Variants in IRS2 observed in about 807,000 individuals in gnomAD.
The protein encoded by IRS2 is insulin receptor substrate 2.
IRS2 carries 28 observed loss-of-function variants against 70.9 expected under a neutral mutation model. That is an observed-to-expected ratio of 0.39 (90% CI 0.29 to 0.54). The LOEUF is 0.54. Among genes scored for constraint, IRS2 ranks in the 20% least tolerant of loss-of-function variants. The pLI is 0.59. For synonymous variants in IRS2, 1,217 were observed against 981.9 expected (o/e 1.24, Z -4.48); for missense variants, 2,081 against 2,024.1 (o/e 1.03, Z -0.54).
At chr13:109,776,910 T>C (rs1877592152) in intron 1 of IRS2, among the ~76,000 whole-genome samples, 1 of 152,172 alleles carries the variant, frequency 6.6e-6, no homozygotes, top group Admixed American at 6.5e-5. Flanking sequence ...ACAGCATTCT[T>C]TTCACAAAAA....
intron 1 of IRS2, among the ~76,000 whole-genome samples, chr13:109,767,121 C>T (rs138812473): frequency 7.6e-4 from 116 of 152,220 alleles, no homozygotes; most frequent in African/African-American, 2.7e-3. Flanking sequence ...AAACGTGGGC[C>T]CCAACTTCTC....
chr13:109,783,116 T>A lies in IRS2; in HGVS notation c.2938A>T (p.Asn980Tyr), dbSNP rs1877773798. The A allele has an allele frequency of 7.2e-7, 1 of 1,390,250 alleles. No homozygotes were observed. The highest frequency in any genetic ancestry group is 9.3e-7 in the Non-Finnish European group (1 of 1,079,016). The allele number at this position is 1,390,250 out of a possible 1,614,324, so 86.1% of individuals were successfully genotyped here. Residue 980 changes from asparagine (N) to tyrosine (Y), a missense_variant, in exon 1 of 2, where the codon AAC becomes TAC. This residue lies in a region of IRS2 where 1,615 missense variants were observed against 1,459.5 expected (regional missense o/e 1.11). Transcript: ENST00000375856. The part of the protein sequence containing the change: ...RQRSPLSDYM[N>Y]LDFSSPKSPK... ...GACTTGGGGGAGCTGAAGTCGAGGT[T>A]CATGTAGTCGGAGAGCGGAGACCGC...
chr13:109,786,045 G>C lies in IRS2; in HGVS notation c.9C>G (p.Ser3Arg). The C allele has an allele frequency of 3.1e-6, 4 of 1,277,860 alleles. No homozygotes were observed. The highest frequency in any genetic ancestry group is 3.9e-6 in the Non-Finnish European group (4 of 1,016,540). 79.2% of individuals were successfully genotyped at this position (1,277,860 alleles called of 1,614,324 possible). A position where few individuals can be genotyped will look rare whatever the true frequency, so the allele number is the denominator to read the frequency against. Residue 3 changes from serine (S) to arginine (R), a missense_variant, in exon 1 of 2, where the codon AGC becomes AGG. Ser to Arg is a moderately radical substitution (Grantham distance 110). Around this residue, in one of 4 missense-constraint regions of IRS2, gnomAD observed 320 missense variants for 352.9 expected, o/e 0.91. Coordinates refer to ENST00000375856, the MANE Select transcript of IRS2 (RefSeq NM_003749.3). The surrounding 1 kb of genome is among the most constrained non-coding windows in gnomAD (Gnocchi z 4.4). ...GCCCGGGCGGCCCGTGCCGCGGCGG[G>C]CTCGCCATCGCGGGCGCTTCAGGCC... Reference protein sequence around the residue: MASPPRHGPPGPA... With the variant: MARPPRHGPPGPA...
chr13:109,785,233 G>T lies in IRS2; in HGVS notation c.821C>A (p.Ala274Glu). The T allele has an allele frequency of 1.2e-6, 2 of 1,605,664 alleles. No homozygotes were observed. Among genetic ancestry groups the T allele is most frequent in the East Asian group, 2.3e-5 (1 of 44,436 alleles). Residue 274 changes from alanine to glutamate, a missense_variant, in exon 1 of 2, where the codon GCG becomes GAG. Ala to Glu is a moderately radical substitution (Grantham distance 107, BLOSUM62 -1). Around this residue, in one of 4 missense-constraint regions of IRS2, gnomAD observed 35 missense variants for 78.6 expected, o/e 0.45. Coordinates refer to ENST00000375856, the MANE Select transcript of IRS2 (RefSeq NM_003749.3). The surrounding 1 kb of genome is among the most constrained non-coding windows in gnomAD (Gnocchi z 9.3). ...GTTCTGCGCCACCACCGAGTCGTCC[G>T]CCTGCATCCACAGCTCGCCGGGGCC... ...VTGPGELWMQ[A>E]DDSVVAQNIH...
rs919366602 is a variant in IRS2, at chr13:109,782,871, C to A, written c.3183G>T (p.Ser1061=). 6 of 1,572,758 alleles carry A rather than the reference C, an allele frequency of 3.8e-6. No individual in the cohort carries two copies. The Middle Eastern group carries it at 5.0e-4, about 131-fold the overall frequency. Reference sequence around the variant, plus strand: ...CATTGTCCCCGGTGTCCGAGGACAACGATGAGGCGGCGCCCGGGCCCTGGG... The same window carrying A: ...CATTGTCCCCGGTGTCCGAGGACAAAGATGAGGCGGCGCCCGGGCCCTGGG... ...ATAQGPGAAS[S]LSSDTGDNGD... Residue 1061 remains serine (S), a synonymous_variant, in exon 1 of 2, where the codon TCG becomes TCT. Coordinates refer to ENST00000375856, the MANE Select transcript of IRS2 (RefSeq NM_003749.3).
chr13:109,785,560 G>C lies in IRS2; in HGVS notation c.494C>G (p.Ala165Gly), dbSNP rs561296790. 72 of 1,436,142 alleles carry C rather than the reference G, an allele frequency of 5.0e-5. No individual in the cohort carries two copies. The Middle Eastern group carries it at 1.1e-3, about 22-fold the overall frequency. The allele number at this position is 1,436,142 out of a possible 1,614,324, so 89.0% of individuals were successfully genotyped here. The change falls in exon 1 of 2, where the codon GCC becomes GGC. Residue 165 changes from alanine (A) to glycine (G), a missense_variant. Around this residue, in one of 4 missense-constraint regions of IRS2, gnomAD observed 320 missense variants for 352.9 expected, o/e 0.91. Coordinates refer to ENST00000375856, the MANE Select transcript of IRS2 (RefSeq NM_003749.3). The surrounding 1 kb of genome is among the most constrained non-coding windows in gnomAD (Gnocchi z 9.3). Reference sequence around the variant, plus strand: ...GCCGCCCAGGGCGCCGGGCAGGGAGGCGCTGCAGGACGCGGCGGGCGCGGC... The same window carrying C: ...GCCGCCCAGGGCGCCGGGCAGGGAGCCGCTGCAGGACGCGGCGGGCGCGGC... ...PAAAPAASCS[A>G]SLPGALGGSA...
rs551061772 is a variant in IRS2 at position 109,774,648 on chromosome 13, G to A, written c.4012+7394C>T. Among the ~76,000 whole-genome samples, 6 of 152,232 alleles carry A rather than the reference G, an allele frequency of 3.9e-5. No individual in the cohort carries two copies. In the South Asian group the frequency reaches 1.0e-3, roughly 26 times the overall value. On this transcript the variant is annotated intron_variant, in intron 1 of 1. Transcript: ENST00000375856. ...ACCAAGATGTTATGAGGTTGAACCC[G>A]ACACTCCTTCTCCTTTTGGCTCAGA...
At chr13:109,767,602 G>C (rs541333126) in intron 1 of IRS2, among the ~76,000 whole-genome samples, 2 of 152,056 alleles carry the variant, frequency 1.3e-5, no homozygotes, top group African/African-American at 4.8e-5. Context: ...CAAAACTGAG[G>C]ATCAAGCAGA....
chr13:109,758,396 C>CT (rs1279633925), intron 1 of IRS2, among the ~76,000 whole-genome samples: 4 of 152,216 alleles, frequency 2.6e-5, no homozygotes, highest in Non-Finnish European at 5.9e-5. Flanking sequence ...CATGTTAACT[C>CT]TAAGTCTGTT....
At position 109,785,645 on chromosome 13, in the gene IRS2, G is replaced by A; in HGVS notation, c.409C>T (p.Arg137Cys). The A allele has an allele frequency of 6.4e-7, 1 of 1,557,378 alleles. No individual in the cohort carries two copies. Among genetic ancestry groups the A allele is most frequent in the Non-Finnish European group, 8.6e-7 (1 of 1,156,722 alleles). Residue 137 changes from arginine (R) to cysteine (C), a missense_variant, in exon 1 of 2, where the codon CGC becomes TGC. By Grantham distance (180) the Arg-to-Cys change is radical (BLOSUM62 -3). Transcript: ENST00000375856. The surrounding 1 kb of genome is among the most constrained non-coding windows in gnomAD (Gnocchi z 9.3). ...TCGCTGACCAGGTCGGTGAGCGCGC[G>A]GTACCAGCCCTCCTGCTCCTGCTCG... ...ENEQEQEGWY[R>C]ALTDLVSEGR...
chr13:109,753,943 C>G lies in IRS2; in HGVS notation c.*2361G>C, dbSNP rs1336864724. The G allele has an allele frequency of 4.3e-6, 1 of 232,116 alleles. No individual in the cohort carries two copies. Among genetic ancestry groups the G allele is most frequent in the Non-Finnish European group, 8.5e-6 (1 of 117,200 alleles). The allele number at this position is 232,116 out of a possible 1,614,324, so 14.4% of individuals were successfully genotyped here. ...ATGCACTATTCTAGTCCAGTTTATT[C>G]TCGTCTCCAGCAGCATCACATTGAC... On this transcript the variant is annotated 3_prime_UTR_variant, in exon 2 of 2. Coordinates refer to ENST00000375856, the MANE Select transcript of IRS2 (RefSeq NM_003749.3).
chr13:109,772,844 C>G (rs1398671799), intron 1 of IRS2, among the ~76,000 whole-genome samples: 13 of 151,674 alleles, frequency 8.6e-5, no homozygotes, highest in African/African-American at 2.7e-4. Flanking sequence ...TACAGGCGCC[C>G]GCCACCGCAC....
chr13:109,783,901 C>T lies in IRS2; in HGVS notation c.2153G>A (p.Arg718Lys). 6.5e-7 allele frequency: 1 copy of T among 1,546,018 alleles called. No homozygotes were observed. The highest frequency in any genetic ancestry group is 8.7e-7 in the Non-Finnish European group (1 of 1,146,464). The change falls in exon 1 of 2, where the codon AGG becomes AAG. Residue 718 changes from arginine (R) to lysine (K), a missense_variant. Arg to Lys is a conservative substitution (Grantham distance 26, BLOSUM62 2). This residue lies in a region of IRS2 where 1,615 missense variants were observed against 1,459.5 expected (regional missense o/e 1.11). Coordinates refer to ENST00000375856, the MANE Select transcript of IRS2 (RefSeq NM_003749.3). ...GCCGCCCCCGCTCGCCGGGAATGTC[C>T]TGCCCGCCGCAGAGGTGGGTGCTGG... ...AGPAPTSAAGRTFPASGGGYK... is the reference protein window; with the variant it reads ...AGPAPTSAAGKTFPASGGGYK...
chr13:109,783,334 T>G lies in IRS2; in HGVS notation c.2720A>C (p.Tyr907Ser). The change falls in exon 1 of 2, where the codon TAC becomes TCC. Residue 907 changes from tyrosine (Y) to serine (S), a missense_variant. Physicochemically the swap from Tyr to Ser is moderately radical, Grantham distance 144. This residue lies in a region of IRS2 where 1,615 missense variants were observed against 1,459.5 expected (regional missense o/e 1.11). Coordinates refer to ENST00000375856, the MANE Select transcript of IRS2 (RefSeq NM_003749.3). Reference protein sequence around the residue: ...GLPSLPSMHEYPLPPEPKSPG... With the variant: ...GLPSLPSMHESPLPPEPKSPG... ...GCTCTTGGGCTCCGGTGGCAGTGGGTACTCGTGCATGCTGGGCAGGCTGGG... is the reference window on the plus strand; with the variant it reads ...GCTCTTGGGCTCCGGTGGCAGTGGGGACTCGTGCATGCTGGGCAGGCTGGG... 1 of 1,558,376 alleles carries G rather than the reference T, an allele frequency of 6.4e-7. No homozygotes were observed. Among genetic ancestry groups the G allele is most frequent in the Non-Finnish European group, 8.6e-7 (1 of 1,161,526 alleles).
intron 1 of IRS2, among the ~76,000 whole-genome samples, chr13:109,780,086 G>A (rs1877663800): frequency 6.6e-6 from 1 of 152,120 alleles, no homozygotes; most frequent in Non-Finnish European, 1.5e-5. Context: ...GCCCACTGCT[G>A]GGGCCCCAGC....
chr13:109,785,139 C>T lies in IRS2; in HGVS notation c.915G>A (p.Lys305=). ...KELFEFRPRS[K]SQSSGSSATH... ...TGGCCGACGACCCCGACGATTGGCT[C>T]TTACTGCGCGGCCGGAACTCGAAGA... is the stretch of plus-strand genomic sequence containing the variant. Residue 305 remains lysine (K), a synonymous_variant, in exon 1 of 2, where the codon AAG becomes AAA. Transcript: ENST00000375856. This position sits in a 1 kb window ranked among gnomAD's most constrained non-coding sequence, Gnocchi z 9.3. 6.3e-7 allele frequency: 1 copy of T among 1,597,356 alleles called. No homozygotes were observed.
In IRS2 at chr13:109,783,057, C is replaced by T; in HGVS notation, c.2997G>A (p.Val999=). 7.3e-7 allele frequency: 1 copy of T among 1,377,708 alleles called. No individual in the cohort carries two copies. 85.3% of individuals were successfully genotyped at this position (1,377,708 alleles called of 1,614,324 possible). ...PKPGAPSGHP[V]GSLDGLLSPE... The stretch of plus-strand genomic sequence containing the variant: ...GGGACAGGAGGCCGTCCAAGGAGCC[C>T]ACGGGGTGGCCGCTCGGGGCGCCCG... Residue 999 remains valine, a synonymous_variant, in exon 1 of 2, where the codon GTG becomes GTA. Transcript: ENST00000375856.
rs2138935584 is a variant in IRS2, at chr13:109,784,368, G to A, written c.1686C>T (p.Asp562=). Residue 562 remains aspartate, a synonymous_variant, in exon 1 of 2, where the codon GAC becomes GAT. Coordinates refer to ENST00000375856, the MANE Select transcript of IRS2 (RefSeq NM_003749.3). The surrounding 1 kb of genome is among the most constrained non-coding windows in gnomAD (Gnocchi z 5.2). ...CGRSYRRVSG[D]AAQDLDRGLR... ...GCCCTCGGTCCAGGTCCTGGGCCGC[G>A]TCCCCCGAGACCCGGCGGTAGGAGC... 3 of 1,609,834 alleles carry A rather than the reference G, an allele frequency of 1.9e-6. No homozygotes were observed. Among genetic ancestry groups the A allele is most frequent in the Non-Finnish European group, 8.5e-7 (1 of 1,179,406 alleles).
Position 109,781,934 on chromosome 13 carries a change from G to A in IRS2, c.4012+108C>T, listed in dbSNP as rs924204826. ...AACAAGGAGCCAGTGCCAGGCTGTC[G>A]GCTTCTGGGTCAAGGTCCCCAAAAA... On this transcript the variant is annotated intron_variant, in intron 1 of 1. Transcript: ENST00000375856. The A allele has an allele frequency of 7.4e-5, 94 of 1,262,628 alleles. 3 individuals carry two copies. In the Middle Eastern group the frequency reaches 4.8e-3, roughly 64 times the overall value. The allele number at this position is 1,262,628 out of a possible 1,614,324, so 78.2% of individuals were successfully genotyped here.
Sources: gnomAD v4.1 joint callset for allele counts (sites outside exome capture counted in the v4.1 genomes callset) on GRCh38, gnomAD v4.1.1 for gene constraint, gnomAD v4.1.1 regional missense constraint, Gnocchi (gnomAD v3.1) non-coding constraint, MANE v1.5 for transcripts, NCBI Gene and HGNC (gene_info 2026-07-23, HGNC 2026-07-21) for gene names.